COL15A1: variants seen among roughly 807,000 people sequenced by gnomAD.
COL15A1 encodes the protein collagen alpha-1(XV) chain.
A neutral mutation model predicts 165.9 loss-of-function variants in COL15A1; 111 were observed. The observed-to-expected ratio is 0.67, with a 90% confidence interval of 0.57 to 0.78. COL15A1 has a LOEUF of 0.78. Ranked by LOEUF, COL15A1 falls within the 30% of genes least tolerant of loss-of-function variation. The pLI is 0.00. For missense variants in COL15A1, 1,745 were observed against 1,789.7 expected (o/e 0.98, Z 0.45); for synonymous variants, 659 against 674.8 (o/e 0.98, Z 0.36).
In COL15A1 at chr9:99,055,088, C is replaced by G; in HGVS notation, c.3032-14C>G. The G allele has an allele frequency of 6.2e-7, 1 of 1,605,918 alleles. No homozygotes were observed. Among genetic ancestry groups the G allele is most frequent in the Non-Finnish European group, 8.5e-7 (1 of 1,172,476 alleles). On this transcript the variant is annotated splice_polypyrimidine_tract_variant and intron_variant, in intron 32 of 41. Coordinates refer to ENST00000375001, the MANE Select transcript of COL15A1 (RefSeq NM_001855.5). ...AATTACAATCGTGAATTTTACGAAG[C>G]ATTTCTTTTTCAGGTCCTCCACTTG...
intron 11 of COL15A1, 26 bp from the exon 12 acceptor site, chr9:99,020,363 G>T (rs373221760): frequency 6.3e-7 from 1 of 1,597,794 alleles, no homozygotes; most frequent in Non-Finnish European, 8.6e-7. Flanking sequence ...TTGTGGCCAC[G>T]TTTTAACCAA....
At chr9:99,032,282 T>A (rs1179287272) in intron 16 of COL15A1, among the ~76,000 whole-genome samples, 2 of 152,178 alleles carry the variant, frequency 1.3e-5, no homozygotes, top group African/African-American at 4.8e-5. Context: ...AACCTCCTCC[T>A]GGGTTCAAAC....
intron 2 of COL15A1, among the ~76,000 whole-genome samples, chr9:98,979,819 C>T (rs4743301): frequency 0.052 from 7,919 of 152,136 alleles, 303 homozygotes; most frequent in Middle Eastern, 0.14. Flanking sequence ...TCATGGCCAG[C>T]AAACACTTCC....
intron 40 of COL15A1, among the ~76,000 whole-genome samples, chr9:99,068,055 C>T (rs867422595): frequency 2.0e-5 from 3 of 152,140 alleles, no homozygotes; most frequent in Non-Finnish European, 4.4e-5. Context: ...AAAGCAAAAG[C>T]GTTCATGGAT....
intron 16 of COL15A1, among the ~76,000 whole-genome samples, chr9:99,029,121 A>G (rs1839175712): frequency 6.6e-6 from 1 of 152,234 alleles, no homozygotes; most frequent in Middle Eastern, 3.2e-3. Flanking sequence ...AGATTCTGCC[A>G]TTCAGTTCTC....
chr9:98,958,106 C>A (rs1261390177), intron 2 of COL15A1, among the ~76,000 whole-genome samples: 1 of 152,250 alleles, frequency 6.6e-6, no homozygotes, highest in Non-Finnish European at 1.5e-5. Flanking sequence ...ACTATGGCAA[C>A]AGTGCGGGAC....
chr9:99,024,945 G>A lies in COL15A1; in HGVS notation c.1926G>A (p.Met642Ile). 6.2e-7 allele frequency: 1 copy of A among 1,613,992 alleles called. No individual in the cohort carries two copies. Among genetic ancestry groups the A allele is most frequent in the Non-Finnish European group, 8.5e-7 (1 of 1,179,882 alleles). Reference protein sequence around the residue: ...IPGKPGTDVFMGPPGSPGEDG... With the variant: ...IPGKPGTDVFIGPPGSPGEDG... ...GAAAACCAGGAACTGATGTTTTCATGGGACCCCCTGGATCTCCTGGAGAGG... is the reference window on the plus strand; with the variant it reads ...GAAAACCAGGAACTGATGTTTTCATAGGACCCCCTGGATCTCCTGGAGAGG... The change falls in exon 15 of 42, where the codon ATG (methionine) becomes ATA (isoleucine). Residue 642 changes from methionine (M) to isoleucine (I), a missense_variant. Physicochemically the swap from Met to Ile is conservative, Grantham distance 10 (BLOSUM62 1). Transcript: ENST00000375001.
At chr9:98,945,694 T>C (rs768767543) in intron 2 of COL15A1, among the ~76,000 whole-genome samples, 1 of 152,068 alleles carries the variant, frequency 6.6e-6, no homozygotes, top group Non-Finnish European at 1.5e-5. Flanking sequence ...GCAGCTGGAG[T>C]ATAGTTTTAG....
At chr9:98,982,500 G>A (rs985198719) in intron 2 of COL15A1, among the ~76,000 whole-genome samples, 5 of 152,098 alleles carry the variant, frequency 3.3e-5, no homozygotes, top group East Asian at 1.9e-4. Context: ...GGTCTGGTAC[G>A]ATAGAAACTT....
Position 99,062,440 on chromosome 9 carries a change from A to C in COL15A1, c.3591+136A>C, listed in dbSNP as rs898075146. ...GGTTTAGTATCTGGTGAAATCCTAGAAATTAATGGGTGCTAACAGGAGGTT... is the reference window on the plus strand; with the variant it reads ...GGTTTAGTATCTGGTGAAATCCTAGCAATTAATGGGTGCTAACAGGAGGTT... On this transcript the variant is annotated intron_variant, in intron 38 of 41. Coordinates refer to ENST00000375001, the MANE Select transcript of COL15A1 (RefSeq NM_001855.5). The C allele has an allele frequency of 7.1e-6, 5 of 704,680 alleles. No homozygotes were observed. The African/African-American group carries it at 8.9e-5, about 13-fold the overall frequency. The allele number at this position is 704,680 out of a possible 1,614,324, so 43.7% of individuals were successfully genotyped here. A position where few individuals can be genotyped will look rare whatever the true frequency, so the allele number is the denominator to read the frequency against.
intron 2 of COL15A1, among the ~76,000 whole-genome samples, chr9:98,974,120 A>C (rs1018358983): frequency 6.6e-6 from 1 of 152,214 alleles, no homozygotes; most frequent in African/African-American, 2.4e-5. Context: ...AGGCCCAGCC[A>C]GGTGGGTGGG....
chr9:99,034,261 G>A (rs1055947214), intron 16 of COL15A1, among the ~76,000 whole-genome samples: 1 of 152,292 alleles, frequency 6.6e-6, no homozygotes, highest in South Asian at 2.1e-4. Flanking sequence ...CTCTCCAAGC[G>A]AAATCTTCTA....
In COL15A1 at chr9:98,944,180, C is replaced by CTGGTTT; in HGVS notation, c.34_35insTTTGGT (p.Trp11_Cys12insPheTrp). 1 of 1,614,140 alleles carries CTGGTTT rather than the reference C, an allele frequency of 6.2e-7. No individual in the cohort carries two copies. ...CTTGCAGGAGGAACAACGGGCAGTG[C>CTGGTTT]TGGTGTCTGCTGATGCTGCTCTCGG... is the stretch of plus-strand genomic sequence containing the variant. On this transcript the variant is annotated inframe_insertion, in exon 2 of 42. Transcript: ENST00000375001.
chr9:99,003,869 T>C (rs1333456403), intron 8 of COL15A1, among the ~76,000 whole-genome samples: 1 of 152,086 alleles, frequency 6.6e-6, no homozygotes, highest in African/African-American at 2.4e-5. Context: ...TGGTCAGTGG[T>C]AGGTGAAGCA....
chr9:99,033,276 G>A (rs1365565123), intron 16 of COL15A1, among the ~76,000 whole-genome samples: 2 of 152,206 alleles, frequency 1.3e-5, no homozygotes, highest in Non-Finnish European at 2.9e-5. Context: ...GGGTGCCCTT[G>A]GACCTCACAG....
At chr9:98,945,283 T>C (rs1340331759) in intron 2 of COL15A1, among the ~76,000 whole-genome samples, 1 of 152,190 alleles carries the variant, frequency 6.6e-6, no homozygotes, top group African/African-American at 2.4e-5. Context: ...ATTAATCCCA[T>C]CGCAATGCAG....
chr9:98,988,739 A>G (rs570582915), intron 4 of COL15A1, among the ~76,000 whole-genome samples: 2 of 152,192 alleles, frequency 1.3e-5, no homozygotes, highest in South Asian at 4.2e-4. Flanking sequence ...CCTGGCCAAC[A>G]TGGTGAAACC....
chr9:98,960,642 A>G lies in COL15A1; in HGVS notation c.100+16392A>G, dbSNP rs960892432. Among the ~76,000 whole-genome samples, 8 of 152,306 alleles carry G rather than the reference A, an allele frequency of 5.3e-5. 1 individual carries two copies. The East Asian group carries it at 9.7e-4, about 18-fold the overall frequency. On this transcript the variant is annotated intron_variant, in intron 2 of 41. Transcript: ENST00000375001. ...GAGCTGGCCTGGTTCCAGGCTCTGC[A>G]TGTATCAGTTGGTGACCTTGGACAA...
At chr9:99,038,812 C>A in intron 22 of COL15A1, 79 bp downstream of exon 22, 1 of 814,266 alleles carries the variant, frequency 1.2e-6, no homozygotes, top group Non-Finnish European at 2.2e-6. Flanking sequence ...ACTTTGGAAT[C>A]CTTTTAGCTC....
Sources: allele counts gnomAD v4.1 joint callset (sites outside exome capture counted in the v4.1 genomes callset), GRCh38; gene constraint gnomAD v4.1.1; transcripts MANE v1.5; gene names NCBI Gene and HGNC (gene_info 2026-07-23, HGNC 2026-07-21).